Variants in APP observed in about 807,000 individuals in gnomAD.
APP encodes amyloid-beta precursor protein.
Under a neutral mutation model 101.4 loss-of-function variants are expected in APP, and 31 were observed. The observed-to-expected ratio is 0.31, with a 90% CI of 0.23 to 0.41. The LOEUF (loss-of-function observed/expected upper bound fraction) is 0.41. APP is among the 10% of genes least tolerant of loss of function. APP has a pLI of 1.00. For missense variants in APP, 839 were observed against 1,003.7 expected (o/e 0.84, Z 2.22); for synonymous variants, 366 against 364.4 (o/e 1.00, Z -0.05).
chr21:25,972,994 C>T (rs948492926), intron 11 of APP, among the ~76,000 whole-genome samples: 1 of 151,892 alleles, frequency 6.6e-6, no homozygotes, highest in Admixed American at 6.6e-5. Context: ...ATAACATCAT[C>T]GTGACAAGTT....
chr21:26,040,046 G>T (rs1420127536), intron 5 of APP, among the ~76,000 whole-genome samples: 1 of 151,876 alleles, frequency 6.6e-6, no homozygotes, highest in African/African-American at 2.4e-5. Flanking sequence ...TTGGAGATGG[G>T]ACCCAAGTAT....
intron 3 of APP, among the ~76,000 whole-genome samples, chr21:26,086,001 A>G (rs2061694769): frequency 6.6e-6 from 1 of 152,180 alleles, no homozygotes; most frequent in South Asian, 2.1e-4. Flanking sequence ...ACTTTGCCCC[A>G]ATAATTCAAC....
At chr21:25,956,771 C>T (rs144686387) in intron 11 of APP, among the ~76,000 whole-genome samples, 16 of 152,172 alleles carry the variant, frequency 1.1e-4, no homozygotes, top group Middle Eastern at 3.4e-3. Context: ...TTATCCATAT[C>T]CTATGGGATG....
At chr21:26,111,464 A>G (rs2062321026) in intron 2 of APP, among the ~76,000 whole-genome samples, 1 of 152,168 alleles carries the variant, frequency 6.6e-6, no homozygotes, top group African/African-American at 2.4e-5. Context: ...AGGGCTGAGC[A>G]TGGTGGCTCA....
At chr21:25,884,563 A>C (rs1471681985) in intron 17 of APP, among the ~76,000 whole-genome samples, 1 of 151,290 alleles carries the variant, frequency 6.6e-6, no homozygotes, top group East Asian at 1.9e-4. Context: ...AGCACCAATA[A>C]TGAGAGATTT....
intron 1 of APP, among the ~76,000 whole-genome samples, chr21:26,157,604 A>C (rs544607493): frequency 7.9e-5 from 12 of 152,340 alleles, no homozygotes; most frequent in Admixed American, 7.2e-4. Context: ...TATCAGGCCT[A>C]CTCAGAACTA....
chr21:25,882,860 C>G (rs2037079993), intron 17 of APP, among the ~76,000 whole-genome samples: 1 of 152,132 alleles, frequency 6.6e-6, no homozygotes, highest in South Asian at 2.1e-4. Flanking sequence ...GCTCATTCAT[C>G]TCTGGGAGAA....
At chr21:26,032,819 T>C (rs546313156) in intron 5 of APP, among the ~76,000 whole-genome samples, 2 of 150,728 alleles carry the variant, frequency 1.3e-5, no homozygotes, top group African/African-American at 4.8e-5. Context: ...TATATATATA[T>C]ATAAAGAGCT....
chr21:26,155,900 G>A (rs995817930), intron 1 of APP, among the ~76,000 whole-genome samples: 3 of 151,910 alleles, frequency 2.0e-5, no homozygotes, highest in Non-Finnish European at 2.9e-5. Context: ...GGGAGGCTGA[G>A]GGAGGAGAAT....
At chr21:26,080,795 T>G (rs557196231) in intron 3 of APP, among the ~76,000 whole-genome samples, 27 of 149,138 alleles carry the variant, frequency 1.8e-4, no homozygotes, top group African/African-American at 6.7e-4. Flanking sequence ...GAAAAAAAAA[T>G]CCTGCTTTCC....
chr21:26,017,921 T>C (rs929471864), intron 6 of APP, among the ~76,000 whole-genome samples: 3 of 152,182 alleles, frequency 2.0e-5, no homozygotes, highest in African/African-American at 7.2e-5. Flanking sequence ...CAAAACCAGA[T>C]AGATCTTGCA....
intron 1 of APP, among the ~76,000 whole-genome samples, chr21:26,153,073 T>C (rs1601585472): frequency 6.6e-6 from 1 of 152,186 alleles, no homozygotes; most frequent in Non-Finnish European, 1.5e-5. Context: ...TGTTCTCTCT[T>C]ATAAGTGGGA....
chr21:25,912,738 C>CG (rs2039144736), intron 13 of APP, among the ~76,000 whole-genome samples: 1 of 152,118 alleles, frequency 6.6e-6, no homozygotes, highest in Admixed American at 6.5e-5. Context: ...CCTACCCCCC[C>CG]ACTTTAAAAA....
chr21:26,107,601 A>C (rs2062212788), intron 2 of APP, among the ~76,000 whole-genome samples: 1 of 152,158 alleles, frequency 6.6e-6, no homozygotes, highest in East Asian at 1.9e-4. Context: ...CCTCATGGGG[A>C]ATCGTCTCTC....
chr21:25,981,718 T>G (rs9798665), intron 9 of APP, among the ~76,000 whole-genome samples: 1 of 151,428 alleles, frequency 6.6e-6, no homozygotes, highest in Non-Finnish European at 1.5e-5. Flanking sequence ...CAGGTTTTTT[T>G]TTTTTTTTTT....
intron 1 of APP, among the ~76,000 whole-genome samples, chr21:26,162,386 T>C (rs941669551): frequency 6.6e-5 from 10 of 151,882 alleles, no homozygotes; most frequent in Admixed American, 1.3e-4. Context: ...TAGGAGTAGA[T>C]ATAACAAGTC....
intron 17 of APP, among the ~76,000 whole-genome samples, chr21:25,883,990 TGCCTCA>T (rs766007384): frequency 4.3e-4 from 65 of 152,186 alleles, no homozygotes; most frequent in Non-Finnish European, 3.2e-4. Context: ...GTGATTCTCC[TGCCTCA>T]GCCTCCCGAG....
chr21:26,142,487 G>A (rs1047818791), intron 1 of APP, among the ~76,000 whole-genome samples: 2 of 152,136 alleles, frequency 1.3e-5, no homozygotes, highest in African/African-American at 2.4e-5. Flanking sequence ...GTGTCACTGG[G>A]GCCAGGCACG....
chr21:26,123,815 A>T (rs1417252637), intron 1 of APP, among the ~76,000 whole-genome samples: 1 of 152,178 alleles, frequency 6.6e-6, no homozygotes, highest in African/African-American at 2.4e-5. Context: ...CAGTGACACA[A>T]CATCAGAGGC....
Sources: allele counts gnomAD v4.1 joint callset (sites outside exome capture counted in the v4.1 genomes callset), GRCh38; gene constraint gnomAD v4.1.1; transcripts MANE v1.5; gene names NCBI Gene and HGNC (gene_info 2026-07-23, HGNC 2026-07-21).